The following PML variants were observed in gnomAD, a reference collection of about 807,000 sequenced individuals.
PML encodes protein PML.
In PML, 28 loss-of-function variants were observed where a neutral mutation model predicts 65.2. The ratio of observed to expected loss-of-function variants is 0.43; its 90% CI spans 0.32 to 0.59. The LOEUF (loss-of-function observed/expected upper bound fraction) is 0.59. PML is among the 20% of genes least tolerant of loss of function. The pLI is 0.08. For synonymous variants in PML, 500 were observed against 508.8 expected (o/e 0.98, Z 0.23); for missense variants, 1,021 against 1,203.4 (o/e 0.85, Z 2.24).
intron 2 of PML, among the ~76,000 whole-genome samples, chr15:73,998,681 A>G (rs2069620122): frequency 6.6e-6 from 1 of 152,234 alleles, no homozygotes; most frequent in African/African-American, 2.4e-5. Flanking sequence ...GTAAGTTTCC[A>G]GTTTCCTCCT....
In PML at chr15:74,042,168, C is replaced by T. The variant is rs1173280943; in HGVS notation, c.1711-821C>T. ...TTCCCTCATCCTCTGGCTCCCCACC[C>T]CATGGCTTCTCGAACAGTGTTCCCA... On this transcript the variant is annotated intron_variant, in intron 7 of 8. Coordinates refer to ENST00000268058, the MANE Select transcript of PML (RefSeq NM_033238.3). This position sits in a 1 kb window ranked among gnomAD's most constrained non-coding sequence, Gnocchi z 5.3. Among the ~76,000 whole-genome samples, 2 of 152,348 alleles carry T rather than the reference C, an allele frequency of 1.3e-5. No individual in the cohort carries two copies. Among genetic ancestry groups the T allele is most frequent in the East Asian group, 3.9e-4 (2 of 5,186 alleles).
chr15:73,996,533 A>G (rs1346740212), intron 1 of PML, among the ~76,000 whole-genome samples: 1 of 152,228 alleles, frequency 6.6e-6, no homozygotes, highest in Non-Finnish European at 1.5e-5. Flanking sequence ...TGCTATGTAG[A>G]TTAAAAGTTC....
At chr15:74,014,326 TA>T (rs1325570155) in intron 2 of PML, among the ~76,000 whole-genome samples, 1 of 151,952 alleles carries the variant, frequency 6.6e-6, no homozygotes, top group Admixed American at 6.6e-5. Context: ...AGTTGGTACT[TA>T]GTAATTTTGG....
chr15:74,044,836 A>C lies in PML; in HGVS notation c.2477A>C (p.Tyr826Ser), dbSNP rs373296015. ...RQGGLKKYSRYLSLQTTTLPP... is the reference protein window; with the variant it reads ...RQGGLKKYSRSLSLQTTTLPP... Reference sequence around the variant, plus strand: ...GGGGGCCTGAAGAAGTACAGCCGCTATCTAAGCCTGCAGACCACCACGTTG... The same window carrying C: ...GGGGGCCTGAAGAAGTACAGCCGCTCTCTAAGCCTGCAGACCACCACGTTG... The change falls in exon 9 of 9, where the codon TAT becomes TCT. Residue 826 changes from tyrosine to serine, a missense_variant. By Grantham distance (144) the Tyr-to-Ser change is moderately radical. Coordinates refer to ENST00000268058, the MANE Select transcript of PML (RefSeq NM_033238.3). The C allele has an allele frequency of 2.5e-6, 4 of 1,613,204 alleles. No individual in the cohort carries two copies. Among genetic ancestry groups the C allele is most frequent in the African/African-American group, 1.3e-5 (1 of 74,934 alleles).
intron 7 of PML, chr15:74,036,383 G>A: frequency 7.3e-7 from 1 of 1,369,202 alleles, no homozygotes; most frequent in Admixed American, 3.0e-5. Context: ...ATAAACACTT[G>A]TTGAACCATC....
At chr15:74,036,354 T>C (rs1328890319) in intron 7 of PML, 4 of 1,400,554 alleles carry the variant, frequency 2.9e-6, no homozygotes, top group Non-Finnish European at 3.7e-6. Flanking sequence ...TCCCAAGACC[T>C]GGCAGATGTG....
At position 74,003,762 on chromosome 15, in the gene PML, A is replaced by T. The variant is rs1051754746; in HGVS notation, c.602+5286A>T. Among the ~76,000 whole-genome samples, 3 of 152,186 alleles carry T rather than the reference A, an allele frequency of 2.0e-5. No individual in the cohort carries two copies. The East Asian group carries it at 5.8e-4, about 29-fold the overall frequency. On this transcript the variant is annotated intron_variant, in intron 2 of 8. Coordinates refer to ENST00000268058, the MANE Select transcript of PML (RefSeq NM_033238.3). ...ACTTTAATTGGTTTCATTGCTCATG[A>T]TAAGTTTTCCTATAGCTTTTCTTCT...
Position 74,035,654 on chromosome 15 carries a change from C to T in PML, c.1710+1124C>T. ...ACCGGATACGAGGGGCTGTGCGATCCCGCAGCCGCTCCCTCCGGGGCTCCT... is the reference window on the plus strand; with the variant it reads ...ACCGGATACGAGGGGCTGTGCGATCTCGCAGCCGCTCCCTCCGGGGCTCCT... On this transcript the variant is annotated intron_variant, in intron 7 of 8. Coordinates refer to ENST00000268058, the MANE Select transcript of PML (RefSeq NM_033238.3). The surrounding 1 kb of genome is among the most constrained non-coding windows in gnomAD (Gnocchi z 4.1). 1 of 1,614,058 alleles carries T rather than the reference C, an allele frequency of 6.2e-7. No individual in the cohort carries two copies. Among genetic ancestry groups the T allele is most frequent in the Non-Finnish European group, 8.5e-7 (1 of 1,180,018 alleles).
intron 7 of PML, chr15:74,036,042 A>T: frequency 6.2e-7 from 1 of 1,614,088 alleles, no homozygotes; most frequent in Non-Finnish European, 8.5e-7. Context: ...CAGGCCCTGC[A>T]CAGAGTAGCA....
intron 2 of PML, among the ~76,000 whole-genome samples, chr15:74,017,795 A>G (rs777033023): frequency 6.6e-6 from 1 of 152,154 alleles, no homozygotes; most frequent in Non-Finnish European, 1.5e-5. Flanking sequence ...TCTCTTAATA[A>G]TGGCATTTCT....
Position 74,044,636 on chromosome 15 carries a change from C to G in PML, c.2277C>G (p.Val759=). 2 of 1,605,896 alleles carry G rather than the reference C, an allele frequency of 1.2e-6. No homozygotes were observed. Among genetic ancestry groups the G allele is most frequent in the Middle Eastern group, 1.6e-4 (1 of 6,062 alleles). ...GTGACCTGTGCCGCCTCCTCGAGGT[C>G]TCCCCGGGCCCCCAGCTGGCCCAGC... ...AMRDLCRLLE[V]SPGPQLAQHV... Residue 759 remains valine (V), a synonymous_variant, in exon 9 of 9, where the codon GTC becomes GTG. Transcript: ENST00000268058.
intron 2 of PML, among the ~76,000 whole-genome samples, chr15:74,009,567 T>G (rs144403211): frequency 2.1e-3 from 323 of 152,342 alleles, no homozygotes; most frequent in African/African-American, 7.6e-3. Flanking sequence ...GTTTTCCTCC[T>G]GGTCTCCTTT....
intron 7 of PML, chr15:74,036,542 G>C: frequency 1.1e-6 from 1 of 932,676 alleles, no homozygotes; most frequent in Non-Finnish European, 1.4e-6. Flanking sequence ...GGGCATCAGA[G>C]GTGGGAGGTA....
chr15:74,023,002 G>A lies in PML; in HGVS notation c.777G>A (p.Ala259=). 2 of 1,608,930 alleles carry A rather than the reference G, an allele frequency of 1.2e-6. No individual in the cohort carries two copies. Among genetic ancestry groups the A allele is most frequent in the Non-Finnish European group, 1.7e-6 (2 of 1,178,792 alleles). Residue 259 remains alanine, a synonymous_variant, in exon 3 of 9, where the codon GCG becomes GCA. Coordinates refer to ENST00000268058, the MANE Select transcript of PML (RefSeq NM_033238.3). ...ATAGTGCCTTTGGCGCGGTTCACGC[G>A]CAGATGCACGCGGCCGTCGGCCAGC... is the stretch of plus-strand genomic sequence containing the variant. ...EQDSAFGAVH[A]QMHAAVGQLG...
chr15:74,013,542 A>G (rs533104718), intron 2 of PML, among the ~76,000 whole-genome samples: 2 of 152,332 alleles, frequency 1.3e-5, no homozygotes, highest in African/African-American at 4.8e-5. Context: ...TTTGTAACAA[A>G]TTCCTGCTGT....
chr15:74,028,706 T>C (rs2071188474), intron 4 of PML, among the ~76,000 whole-genome samples: 2 of 152,220 alleles, frequency 1.3e-5, no homozygotes, highest in Admixed American at 6.5e-5. Context: ...TTTCTGTCTC[T>C]ATGATTTTCA....
intron 1 of PML, 33 bp downstream of exon 1, chr15:73,994,974 C>T: frequency 6.7e-7 from 1 of 1,502,968 alleles, no homozygotes; most frequent in Non-Finnish European, 8.9e-7. Context: ...TGGGGTTAAG[C>T]TTTGTTGGTT....
intron 2 of PML, among the ~76,000 whole-genome samples, chr15:74,016,423 G>A (rs1423685611): frequency 6.6e-6 from 1 of 152,068 alleles, no homozygotes; most frequent in African/African-American, 2.4e-5. Flanking sequence ...TTAACAGTGT[G>A]GCTATTTCAC....
intron 2 of PML, among the ~76,000 whole-genome samples, chr15:74,021,478 G>A (rs370557590): frequency 2.0e-5 from 3 of 152,038 alleles, no homozygotes; most frequent in Admixed American, 6.6e-5. Context: ...CCAGCTACTC[G>A]GGAGGCTGAG....
Sources: allele counts gnomAD v4.1 joint callset (sites outside exome capture counted in the v4.1 genomes callset), GRCh38; gene constraint gnomAD v4.1.1; non-coding constraint Gnocchi (gnomAD v3.1); transcripts MANE v1.5; gene names NCBI Gene and HGNC (gene_info 2026-07-23, HGNC 2026-07-21).